GPR55: variants seen among roughly 807,000 people sequenced by gnomAD.
The protein encoded by GPR55 is G protein-coupled receptor 55.
GPR55 carries 6 observed loss-of-function variants against 7.9 expected under a neutral mutation model. The observed-to-expected ratio is 0.76, with a 90% CI of 0.41 to 1.49. GPR55 has a LOEUF of 1.49. Among genes scored for constraint, GPR55 ranks in the 40% most tolerant of loss-of-function variants. The probability of loss-of-function intolerance (pLI) is 0.01; values close to 1 mark genes in which losing one functional copy is unlikely to be tolerated. For synonymous variants in GPR55, 183 were observed against 166.8 expected (o/e 1.10, Z -0.75); for missense variants, 376 against 406.0 (o/e 0.93, Z 0.63).
chr2:230,930,432 G>T (rs1282413797), intron 1 of GPR55, among the ~76,000 whole-genome samples: 1 of 150,414 alleles, frequency 6.6e-6, no homozygotes, highest in African/African-American at 2.4e-5. Context: ...TTATCTTTGG[G>T]TTTTTTGTTT....
chr2:230,946,939 C>T (rs1340789006), intron 1 of GPR55, among the ~76,000 whole-genome samples: 2 of 152,228 alleles, frequency 1.3e-5, no homozygotes, highest in Non-Finnish European at 1.5e-5. Context: ...ACATCTTAAT[C>T]ACATCATATT....
intron 1 of GPR55, among the ~76,000 whole-genome samples, chr2:230,920,196 AC>A (rs1343312886): frequency 2.6e-5 from 4 of 151,986 alleles, no homozygotes; most frequent in Admixed American, 1.3e-4. Context: ...GAAAAAGGAG[AC>A]CAGTAAGGAT....
upstream of GPR55, chr2:230,928,530 A>C (rs1431884139): frequency 6.6e-6 from 1 of 152,222 alleles, no homozygotes; most frequent in Non-Finnish European, 1.5e-5. Context: ...TGGTGAAGAC[A>C]GATGACAGTA....
intron 1 of GPR55, among the ~76,000 whole-genome samples, chr2:230,919,157 T>C (rs554128948): frequency 1.8e-4 from 27 of 152,184 alleles, no homozygotes; most frequent in Middle Eastern, 3.4e-3. Flanking sequence ...TCCAAATTCA[T>C]CAAGGAATTA....
At chr2:230,915,555 G>A (rs1235654316) in intron 1 of GPR55, among the ~76,000 whole-genome samples, 1 of 152,178 alleles carries the variant, frequency 6.6e-6, no homozygotes, top group Non-Finnish European at 1.5e-5. Flanking sequence ...CAGCACGGTG[G>A]CTGAGAGGTG....
In GPR55 at chr2:230,913,756, T is replaced by A. The variant is rs183092448; in HGVS notation, c.-134-2660A>T. 2.5e-3 allele frequency among the ~76,000 whole-genome samples: 386 copies of A among 152,180 alleles called. 2 individuals carry two copies. The highest frequency in any genetic ancestry group is 8.7e-3 in the African/African-American group (360 of 41,506). On this transcript the variant is annotated intron_variant, in intron 1 of 1. Coordinates refer to ENST00000650999, the MANE Select transcript of GPR55 (RefSeq NM_005683.4). Reference sequence around the variant, plus strand: ...ATAGCTTGGAACTCACAAGGCAAATTTCAAAAATGATGAGAAAAGCAGGTC... The same window carrying A: ...ATAGCTTGGAACTCACAAGGCAAATATCAAAAATGATGAGAAAAGCAGGTC...
At chr2:230,949,672 A>G (rs552664465) in intron 1 of GPR55, among the ~76,000 whole-genome samples, 1 of 151,728 alleles carries the variant, frequency 6.6e-6, no homozygotes, top group African/African-American at 2.4e-5. Flanking sequence ...TTCCTTTTCC[A>G]CTGTCTTCCT....
intron 1 of GPR55, among the ~76,000 whole-genome samples, chr2:230,911,671 G>T (rs1690595579): frequency 1.3e-5 from 2 of 152,180 alleles, no homozygotes; most frequent in South Asian, 4.1e-4. Flanking sequence ...AAGATATAAG[G>T]TCTGCAGCTG....
chr2:230,947,941 C>T (rs540578603), intron 1 of GPR55, among the ~76,000 whole-genome samples: 4 of 152,278 alleles, frequency 2.6e-5, no homozygotes, highest in Non-Finnish European at 4.4e-5. Context: ...AGCAGAAACT[C>T]GGCATCCCGC....
intron 1 of GPR55, among the ~76,000 whole-genome samples, chr2:230,943,953 C>A (rs375911558): frequency 3.1e-4 from 47 of 152,358 alleles, no homozygotes; most frequent in African/African-American, 1.1e-3. Flanking sequence ...TATAAATTAT[C>A]CAGCCTCAGG....
rs1690574425 is a variant in GPR55, at chr2:230,910,736, G to A, written c.227C>T (p.Ser76Phe). The change falls in exon 2 of 2, where the codon TCC becomes TTC. Residue 76 changes from serine to phenylalanine, a missense_variant. Physicochemically the swap from Ser to Phe is radical, Grantham distance 155. Transcript: ENST00000650999. The surrounding 1 kb of genome is among the most constrained non-coding windows in gnomAD (Gnocchi z 5.4). ...LAVFDLLLVL[S>F]LPFKMVLSQV... ...GGACAGGACCATCTTGAATGGGAGG[G>A]AGAGCACCAGCAGCAGGTCAAAGAC... 2.5e-6 allele frequency: 4 copies of A among 1,614,096 alleles called. No individual in the cohort carries two copies. In the East Asian group the frequency reaches 8.9e-5, roughly 36 times the overall value.
chr2:230,941,605 A>G (rs1295051379), intron 1 of GPR55, among the ~76,000 whole-genome samples: 1 of 152,032 alleles, frequency 6.6e-6, no homozygotes, highest in African/African-American at 2.4e-5. Context: ...GCAGAGCTGG[A>G]CTGTGGCTGG....
intron 1 of GPR55, among the ~76,000 whole-genome samples, chr2:230,932,602 G>A (rs1691065123): frequency 6.6e-6 from 1 of 152,240 alleles, no homozygotes; most frequent in Non-Finnish European, 1.5e-5. Flanking sequence ...AGAAGGACAT[G>A]TTCATTACAA....
intron 1 of GPR55, among the ~76,000 whole-genome samples, chr2:230,956,086 G>C (rs991736298): frequency 6.6e-6 from 1 of 152,012 alleles, no homozygotes; most frequent in Admixed American, 6.5e-5. Context: ...CCAATAGCTA[G>C]GACAGTGGGA....
At chr2:230,935,999 T>C (rs1337038286) in intron 1 of GPR55, among the ~76,000 whole-genome samples, 1 of 152,096 alleles carries the variant, frequency 6.6e-6, no homozygotes, top group East Asian at 1.9e-4. Context: ...AGGAAGCTTG[T>C]GAGTTTGTAG....
intron 1 of GPR55, among the ~76,000 whole-genome samples, chr2:230,935,197 T>G (rs1574630131): frequency 6.6e-6 from 1 of 151,978 alleles, no homozygotes; most frequent in East Asian, 1.9e-4. Context: ...AAAGCGGCGG[T>G]GTTTTAGTTC....
intron 1 of GPR55, among the ~76,000 whole-genome samples, chr2:230,954,802 A>G (rs868026970): frequency 6.6e-6 from 1 of 152,160 alleles, no homozygotes; most frequent in Non-Finnish European, 1.5e-5. Context: ...TTTTTTAAGC[A>G]TTCAATTTAG....
At chr2:230,941,751 G>A (rs575313843) in intron 1 of GPR55, among the ~76,000 whole-genome samples, 46 of 152,264 alleles carry the variant, frequency 3.0e-4, no homozygotes, top group African/African-American at 7.5e-4. Flanking sequence ...AGCTCAACTC[G>A]GGGTCCCCTT....
At chr2:230,940,052 A>G (rs1201349789) in intron 1 of GPR55, among the ~76,000 whole-genome samples, 2 of 152,038 alleles carry the variant, frequency 1.3e-5, no homozygotes, top group Non-Finnish European at 2.9e-5. Flanking sequence ...CAGTCCTCCC[A>G]TCCCTGAGCT....
Sources: allele counts gnomAD v4.1 joint callset (sites outside exome capture counted in the v4.1 genomes callset), GRCh38; gene constraint gnomAD v4.1.1; non-coding constraint Gnocchi (gnomAD v3.1); transcripts MANE v1.5; gene names NCBI Gene and HGNC (gene_info 2026-07-23, HGNC 2026-07-21).